TMEM17: variants seen among roughly 807,000 people sequenced by gnomAD.
The protein encoded by TMEM17 is transmembrane protein 17.
TMEM17 carries 15 observed loss-of-function variants against 19.1 expected under a neutral mutation model. That is an observed-to-expected ratio of 0.78 (90% CI 0.52 to 1.21). The LOEUF is 1.21. TMEM17 is among the 50% of genes most tolerant of loss of function. The pLI, the probability that TMEM17 is intolerant of heterozygous loss-of-function variation, is 0.00. For synonymous variants in TMEM17, 103 were observed against 86.9 expected, an observed-to-expected ratio of 1.19 and a Z score of -1.03; for missense variants, 245 against 242.3, an observed-to-expected ratio of 1.01 and a Z score of -0.07.
the TMEM17 span, among the ~76,000 whole-genome samples, chr2:62,461,728 C>A: frequency 6.6e-6 from 1 of 152,160 alleles, no homozygotes; most frequent in Non-Finnish European, 1.5e-5. Flanking sequence ...TGGAATTTAC[C>A]ATCTCATTAG....
chr2:62,466,118 C>G, the TMEM17 span, among the ~76,000 whole-genome samples: 5 of 152,076 alleles, frequency 3.3e-5, no homozygotes, highest in East Asian at 9.6e-4. Flanking sequence ...TGATAAAGGA[C>G]AAAGGATCTG....
the TMEM17 span, among the ~76,000 whole-genome samples, chr2:62,460,943 A>G: frequency 6.6e-6 from 1 of 152,312 alleles, no homozygotes; most frequent in East Asian, 1.9e-4. Context: ...ACAAGGTTGT[A>G]GAGGAAAAAG....
the TMEM17 span, among the ~76,000 whole-genome samples, chr2:62,466,272 G>A: frequency 9.2e-5 from 14 of 152,140 alleles, no homozygotes; most frequent in African/African-American, 3.1e-4. Context: ...CTGGTGCTCT[G>A]GGGTGGGAGG....
At chr2:62,505,436 G>A (rs953366504) in intron 1 of TMEM17, among the ~76,000 whole-genome samples, 2 of 152,222 alleles carry the variant, frequency 1.3e-5, no homozygotes, top group Non-Finnish European at 2.9e-5. Flanking sequence ...GCCAGTGGGA[G>A]TGGATGGTGG....
chr2:62,492,259 AC>A, the TMEM17 span, among the ~76,000 whole-genome samples: 1 of 152,190 alleles, frequency 6.6e-6, no homozygotes, highest in African/African-American at 2.4e-5. Flanking sequence ...TTGCTGTGTG[AC>A]CCTGAGCAAG....
chr2:62,475,324 A>G, the TMEM17 span, among the ~76,000 whole-genome samples: 1 of 152,234 alleles, frequency 6.6e-6, no homozygotes, highest in African/African-American at 2.4e-5. Context: ...GCACAGCGGC[A>G]GAGGCATGCC....
chr2:62,454,463 G>A, the TMEM17 span, among the ~76,000 whole-genome samples: 1 of 152,166 alleles, frequency 6.6e-6, no homozygotes, highest in Non-Finnish European at 1.5e-5. Flanking sequence ...GTAAAAGGTG[G>A]CACAATATAG....
chr2:62,457,018 G>T, the TMEM17 span, among the ~76,000 whole-genome samples: 1 of 151,310 alleles, frequency 6.6e-6, no homozygotes, highest in African/African-American at 2.5e-5. The surrounding 1 kb of genome is among the most constrained non-coding windows in gnomAD (Gnocchi z 4.2). Context: ...GCTGCCCTGA[G>T]AGCTCAGCCC....
Position 62,500,791 on chromosome 2 carries a change from CACTG to C in TMEM17, c.*414_*417del, listed in dbSNP as rs1451301218. 4.5e-5 allele frequency: 7 copies of C among 156,628 alleles called. No homozygotes were observed. In the East Asian group the frequency reaches 1.1e-3, roughly 25 times the overall value. The allele number at this position is 156,628 out of a possible 1,614,324, so 9.7% of individuals were successfully genotyped here. On this transcript the variant is annotated 3_prime_UTR_variant, in exon 4 of 4. Transcript: ENST00000335390. ...ACAAATATAGACAAATACATAGGAA[CACTG>C]ACTGGTATTTCCATGTCAAGAAACA...
the TMEM17 span, among the ~76,000 whole-genome samples, chr2:62,495,012 C>T: frequency 6.6e-6 from 1 of 151,998 alleles, no homozygotes; most frequent in East Asian, 1.9e-4. Context: ...GAGACTCCGT[C>T]TCAAAAAAAT....
chr2:62,503,071 T>C (rs1288020452), intron 1 of TMEM17, among the ~76,000 whole-genome samples: 1 of 152,228 alleles, frequency 6.6e-6, no homozygotes, highest in African/African-American at 2.4e-5. Context: ...GGTATAGATT[T>C]AATGTAGAAT....
chr2:62,477,373 G>A, the TMEM17 span, among the ~76,000 whole-genome samples: 1 of 148,660 alleles, frequency 6.7e-6, no homozygotes, highest in Non-Finnish European at 1.5e-5. Flanking sequence ...CTCCAGCCTG[G>A]GCGACAGAGC....
At chr2:62,464,615 C>T in the TMEM17 span, among the ~76,000 whole-genome samples, 2 of 152,118 alleles carry the variant, frequency 1.3e-5, no homozygotes, top group African/African-American at 2.4e-5. Context: ...TAGACAGAGC[C>T]GATTTATCAA....
chr2:62,472,631 A>G, the TMEM17 span, among the ~76,000 whole-genome samples: 1 of 152,118 alleles, frequency 6.6e-6, no homozygotes, highest in African/African-American at 2.4e-5. Context: ...CCTGATCCAG[A>G]CTCAGATGCT....
the TMEM17 span, among the ~76,000 whole-genome samples, chr2:62,476,742 TA>T: frequency 1.3e-5 from 2 of 152,228 alleles, no homozygotes; most frequent in Non-Finnish European, 2.9e-5. Context: ...AAGGGGAATT[TA>T]GAAATTGTTG....
the TMEM17 span, among the ~76,000 whole-genome samples, chr2:62,495,206 CT>C: frequency 6.6e-6 from 1 of 152,084 alleles, no homozygotes; most frequent in Non-Finnish European, 1.5e-5. Flanking sequence ...ATGTCTTTGG[CT>C]TTTCATAGAA....
chr2:62,501,494 T>C lies in TMEM17; in HGVS notation c.319-7A>G, dbSNP rs1679929732. The C allele has an allele frequency of 1.2e-6, 2 of 1,608,590 alleles. No individual in the cohort carries two copies. Among genetic ancestry groups the C allele is most frequent in the African/African-American group, 2.7e-5 (2 of 74,394 alleles). On this transcript the variant is annotated splice_polypyrimidine_tract_variant and splice_region_variant and intron_variant, in intron 3 of 3. Coordinates refer to ENST00000335390, the MANE Select transcript of TMEM17 (RefSeq NM_198276.3). ...AGCCAGCCAACTCAGGAACCTGCAA[T>C]GACACATATCAAGAGTAATAAAAAT...
chr2:62,500,106 A>G (rs1260615199), downstream of TMEM17: 2 of 152,250 alleles, frequency 1.3e-5, no homozygotes, highest in Non-Finnish European at 2.9e-5. Flanking sequence ...TGCCTACTAC[A>G]GTGCCCACTA....
Position 62,500,627 on chromosome 2 carries a change from G to C in TMEM17, c.*582C>G, listed in dbSNP as rs1262519943. 1 of 124,110 alleles carries C rather than the reference G, an allele frequency of 8.1e-6. No homozygotes were observed. Among genetic ancestry groups the C allele is most frequent in the Non-Finnish European group, 1.7e-5 (1 of 57,386 alleles). 7.7% of individuals were successfully genotyped at this position (124,110 alleles called of 1,614,324 possible). A position where few individuals can be genotyped will look rare whatever the true frequency, so the allele number is the denominator to read the frequency against. Reference sequence around the variant, plus strand: ...CGCCTAGCTAATTTTTTTTTTTTTTGTATTTTTAGTAGAGGCTGGGTTTCA... The same window carrying C: ...CGCCTAGCTAATTTTTTTTTTTTTTCTATTTTTAGTAGAGGCTGGGTTTCA... On this transcript the variant is annotated 3_prime_UTR_variant, in exon 4 of 4. Coordinates refer to ENST00000335390, the MANE Select transcript of TMEM17 (RefSeq NM_198276.3).
Sources: gnomAD v4.1 joint callset for allele counts (sites outside exome capture counted in the v4.1 genomes callset) on GRCh38, gnomAD v4.1.1 for gene constraint, Gnocchi (gnomAD v3.1) non-coding constraint, MANE v1.5 for transcripts, NCBI Gene and HGNC (gene_info 2026-07-23, HGNC 2026-07-21) for gene names.